Variants in WT1 observed in about 807,000 individuals in gnomAD.
WT1 encodes the protein Wilms tumor protein.
WT1 carries 8 observed loss-of-function variants against 60.8 expected under a neutral mutation model. The observed-to-expected ratio is 0.13, with a 90% CI of 0.08 to 0.24. The LOEUF (loss-of-function observed/expected upper bound fraction) is 0.24, where lower values mean the gene tolerates loss of function less well. Ranked by LOEUF, WT1 falls within the 10% of genes least tolerant of loss-of-function variation. WT1 has a pLI of 1.00. For synonymous variants in WT1, 312 were observed against 297.1 expected, an observed-to-expected ratio of 1.05 and a Z score of -0.52; for missense variants, 568 against 711.8, an observed-to-expected ratio of 0.80 and a Z score of 2.30.
chr11:32,431,115 C>A (rs1040197479), intron 1 of WT1, among the ~76,000 whole-genome samples: 1 of 152,162 alleles, frequency 6.6e-6, no homozygotes, highest in Non-Finnish European at 1.5e-5. Flanking sequence ...CCTCCTCCCC[C>A]GCCGGCGGCT....
intron 5 of WT1, among the ~76,000 whole-genome samples, chr11:32,415,278 G>A (rs1329143693): frequency 2.0e-5 from 3 of 152,324 alleles, no homozygotes; most frequent in African/African-American, 7.2e-5. Flanking sequence ...GTTCTGAGGA[G>A]AGGAGAAAGG....
chr11:32,435,195 C>G lies in WT1; in HGVS notation c.166G>C (p.Glu56Gln). 6.5e-7 allele frequency: 1 copy of G among 1,529,356 alleles called. No individual in the cohort carries two copies. Among genetic ancestry groups the G allele is most frequent in the Non-Finnish European group, 8.7e-7 (1 of 1,143,448 alleles). 94.7% of individuals were successfully genotyped at this position (1,529,356 alleles called of 1,614,324 possible). ...CGGCTCCTCCGGCCCTGGAGACGTT[C>G]AGCGCTGGCCTCGGCGGCGCCTAAC... The change falls in exon 1 of 10, where the codon GAA becomes CAA. Residue 56 changes from glutamate (E) to glutamine (Q), a missense_variant. Glu to Gln is a conservative substitution (Grantham distance 29, BLOSUM62 2). This residue lies in a region of WT1 where 523 missense variants were observed against 565.1 expected (regional missense o/e 0.93). Transcript: ENST00000452863.
chr11:32,397,381 A>T (rs1488403065), intron 6 of WT1, among the ~76,000 whole-genome samples: 1 of 152,054 alleles, frequency 6.6e-6, no homozygotes, highest in Non-Finnish European at 1.5e-5. Flanking sequence ...CAGTGGCACG[A>T]TCGGGGCTCC....
chr11:32,432,495 T>C (rs184855955), intron 1 of WT1, among the ~76,000 whole-genome samples: 1 of 152,346 alleles, frequency 6.6e-6, no homozygotes, highest in Non-Finnish European at 1.5e-5. Context: ...CTGGGTAAGA[T>C]GGACCCATCT....
At chr11:32,416,661 A>G in intron 4 of WT1, 121 bp from the exon 5 acceptor site, 1 of 1,265,760 alleles carries the variant, frequency 7.9e-7, no homozygotes, top group Non-Finnish European at 1.1e-6. Context: ...CTAGCTATCA[A>G]GAGTGCTGAA....
At chr11:32,426,843 C>T (rs936564186) in intron 3 of WT1, among the ~76,000 whole-genome samples, 4 of 152,166 alleles carry the variant, frequency 2.6e-5, no homozygotes, top group African/African-American at 9.7e-5. Context: ...GCAGCAAGGG[C>T]CTGGGGCTGC....
chr11:32,406,915 A>G (rs932919497), intron 5 of WT1, among the ~76,000 whole-genome samples: 3 of 152,032 alleles, frequency 2.0e-5, no homozygotes, highest in Admixed American at 6.6e-5. Context: ...CCTGGCCAAC[A>G]TGGTGAAACC....
chr11:32,399,295 A>G (rs1231543217), intron 6 of WT1, among the ~76,000 whole-genome samples: 6 of 152,210 alleles, frequency 3.9e-5, no homozygotes, highest in African/African-American at 1.4e-4. Context: ...TAATAGGTAC[A>G]TGGCATTATG....
At chr11:32,411,901 T>C (rs5030228) in intron 5 of WT1, among the ~76,000 whole-genome samples, 15,526 of 152,180 alleles carry the variant, frequency 0.1, 1,215 homozygotes, top group African/African-American at 0.22. Context: ...ACTCTTTAAA[T>C]GGCATTAAAT....
rs775233006 is a variant in WT1 at position 32,415,377 on chromosome 11, G to A, written c.1016+1113C>T. On this transcript the variant is annotated intron_variant, in intron 5 of 9. Transcript: ENST00000452863. ...AAGAACAGGTAGAAAGGCCAGGCAC[G>A]GTGGCTCACGCCTGTAATCCCAGCA... Among the ~76,000 whole-genome samples, 7 of 152,208 alleles carry A rather than the reference G, an allele frequency of 4.6e-5. No individual in the cohort carries two copies. The East Asian group carries it at 5.8e-4, about 13-fold the overall frequency.
rs1851732498 is a variant in WT1, at chr11:32,388,751, G to C, written c.*307C>G. 2.3e-5 allele frequency: 11 copies of C among 473,458 alleles called. No homozygotes were observed. The South Asian group carries it at 2.7e-4, about 12-fold the overall frequency. 29.3% of individuals were successfully genotyped at this position (473,458 alleles called of 1,614,324 possible). On this transcript the variant is annotated 3_prime_UTR_variant, in exon 10 of 10. Coordinates refer to ENST00000452863, the MANE Select transcript of WT1 (RefSeq NM_024426.6). ...AAAAAAAGAAGGGAAGGGTCAGGGG[G>C]ACATGATCAGCTATGGCTCTTCTTA... is the stretch of plus-strand genomic sequence containing the variant.
chr11:32,400,090 G>T (rs1564975979), intron 5 of WT1, 46 bp from the exon 6 acceptor site: 4 of 1,599,556 alleles, frequency 2.5e-6, no homozygotes, highest in Non-Finnish European at 3.4e-6. Context: ...GCTCACAGTC[G>T]CCATTTGGAA....
intron 5 of WT1, among the ~76,000 whole-genome samples, chr11:32,404,129 G>A (rs1169106648): frequency 1.3e-5 from 2 of 151,746 alleles, no homozygotes; most frequent in Non-Finnish European, 2.9e-5. Flanking sequence ...AATTAGTTGG[G>A]CATGGTGGCA....
intron 1 of WT1, among the ~76,000 whole-genome samples, chr11:32,432,697 T>C (rs1408099224): frequency 1.3e-5 from 2 of 152,068 alleles, no homozygotes; most frequent in African/African-American, 4.8e-5. Flanking sequence ...AGAATCCAGA[T>C]ATTTTCCAGA....
At chr11:32,425,505 A>G (rs59827939) in intron 3 of WT1, among the ~76,000 whole-genome samples, 2,405 of 152,356 alleles carry the variant, frequency 0.016, 64 homozygotes, top group African/African-American at 0.055. Context: ...GAGGGAAACC[A>G]TATAACTGTA....
chr11:32,434,236 G>C (rs975232026), intron 1 of WT1, among the ~76,000 whole-genome samples: 10 of 152,236 alleles, frequency 6.6e-5, no homozygotes, highest in African/African-American at 2.4e-4. Flanking sequence ...GCGCTGCGGA[G>C]GCAGCACAGC....
chr11:32,405,110 A>G (rs1181694433), intron 5 of WT1, among the ~76,000 whole-genome samples: 1 of 152,190 alleles, frequency 6.6e-6, no homozygotes, highest in African/African-American at 2.4e-5. Context: ...ATATTCCTAT[A>G]GGGGCCAAGT....
At chr11:32,403,576 T>A (rs951518236) in intron 5 of WT1, among the ~76,000 whole-genome samples, 5 of 130,618 alleles carry the variant, frequency 3.8e-5, no homozygotes, top group African/African-American at 8.8e-5. Flanking sequence ...ATATTACTTT[T>A]TTTTTTTTTT....
At chr11:32,428,729 G>A in intron 1 of WT1, 110 bp from the exon 2 acceptor site, 2 of 1,511,730 alleles carry the variant, frequency 1.3e-6, no homozygotes, top group South Asian at 2.4e-5. Context: ...CCCGCATTCG[G>A]ACCCCCAGCG....
Sources: allele counts gnomAD v4.1 joint callset (sites outside exome capture counted in the v4.1 genomes callset), GRCh38; gene constraint gnomAD v4.1.1; regional missense constraint gnomAD v4.1.1; transcripts MANE v1.5; gene names NCBI Gene and HGNC (gene_info 2026-07-23, HGNC 2026-07-21).